MYH10: variants seen among roughly 807,000 people sequenced by gnomAD.
MYH10 encodes myosin heavy chain 10.
In MYH10, 55 loss-of-function variants were observed where a neutral mutation model predicts 257.8. That is an observed-to-expected ratio of 0.21 (90% CI 0.17 to 0.27). The LOEUF (loss-of-function observed/expected upper bound fraction) is 0.27, where lower values mean the gene tolerates loss of function less well. Ranked by LOEUF, MYH10 falls within the 10% of genes least tolerant of loss-of-function variation. MYH10 has a pLI of 1.00. For missense variants in MYH10, 1,631 were observed against 2,500.6 expected (o/e 0.65, Z 7.42); for synonymous variants, 854 against 921.7 (o/e 0.93, Z 1.33).
intron 6 of MYH10, among the ~76,000 whole-genome samples, chr17:8,571,874 T>C (rs1023911796): frequency 2.0e-5 from 3 of 152,012 alleles, no homozygotes; most frequent in African/African-American, 7.2e-5. Context: ...ACCAATATCT[T>C]GCAAAGCCCT....
intron 3 of MYH10, among the ~76,000 whole-genome samples, chr17:8,604,315 A>T (rs960702587): frequency 6.6e-6 from 1 of 152,220 alleles, no homozygotes; most frequent in Admixed American, 6.5e-5. Context: ...GTCTAAAGCC[A>T]GGGTTCAAAT....
chr17:8,610,271 C>CAAAAAAAAAAAAAAAAAAAAAAAAA (rs71361810), intron 2 of MYH10, among the ~76,000 whole-genome samples: 3 of 45,982 alleles, frequency 6.5e-5, no homozygotes, highest in African/African-American at 1.0e-4. Context: ...CATAGGATTG[C>CAAAAAAAAAAAAAAAAAAAAAAAAA]AAAAAAAAAA....
chr17:8,589,960 C>T (rs2084060878), intron 3 of MYH10, among the ~76,000 whole-genome samples: 1 of 152,176 alleles, frequency 6.6e-6, no homozygotes, highest in African/African-American at 2.4e-5. Context: ...GGCAAGGTTG[C>T]CAGGATGAGG....
At position 8,476,965 on chromosome 17, in the gene MYH10, A is replaced by C; in HGVS notation, c.5790T>G (p.Ser1930=). 6.2e-7 allele frequency: 1 copy of C among 1,614,054 alleles called. No homozygotes were observed. The highest frequency in any genetic ancestry group is 8.5e-7 in the Non-Finnish European group (1 of 1,180,038). Residue 1930 remains serine (S), a synonymous_variant, in exon 42 of 43, where the codon TCT becomes TCG. Coordinates refer to ENST00000360416, the MANE Select transcript of MYH10 (RefSeq NM_001256012.3). ...CCAGTTCCCGCTGGAGTTTACGCCG[A>C]GATGCGTTGGCACGCGTCGCTTCTT... is the stretch of plus-strand genomic sequence containing the variant. ...AEEEATRANA[S]RRKLQRELDD...
chr17:8,576,176 C>G (rs531590709), intron 6 of MYH10, among the ~76,000 whole-genome samples: 9 of 152,178 alleles, frequency 5.9e-5, no homozygotes, highest in Admixed American at 2.0e-4. Flanking sequence ...ATAATTGGGC[C>G]TTTGGTTTAA....
At chr17:8,567,410 C>G (rs994948366) in intron 7 of MYH10, among the ~76,000 whole-genome samples, 1 of 152,186 alleles carries the variant, frequency 6.6e-6, no homozygotes, top group South Asian at 2.1e-4. Flanking sequence ...GAAAATACAT[C>G]CCTATTTCTT....
Position 8,475,615 on chromosome 17 carries a change from T to G in MYH10, c.*189A>C. The G allele has an allele frequency of 1.6e-6, 1 of 615,310 alleles. No individual in the cohort carries two copies. 38.1% of individuals were successfully genotyped at this position (615,310 alleles called of 1,614,324 possible). A position where few individuals can be genotyped will look rare whatever the true frequency, so the allele number is the denominator to read the frequency against. ...AATATATGTGTCCTGTGTGTGTCTA[T>G]ATATAAAAAGGGGAGCAATTGTACC... On this transcript the variant is annotated 3_prime_UTR_variant, in exon 43 of 43. Coordinates refer to ENST00000360416, the MANE Select transcript of MYH10 (RefSeq NM_001256012.3).
Position 8,474,650 on chromosome 17 carries a change from T to TTGTC in MYH10, c.*1150_*1153dup, listed in dbSNP as rs1353394112. 2.0e-5 allele frequency: 3 copies of TTGTC among 152,774 alleles called. No homozygotes were observed. In the East Asian group the frequency reaches 5.8e-4, roughly 29 times the overall value. 9.5% of individuals were successfully genotyped at this position (152,774 alleles called of 1,614,324 possible). On this transcript the variant is annotated 3_prime_UTR_variant, in exon 43 of 43. Transcript: ENST00000360416. ...ATAGAGGCGAATGATATATTCAACA[T>TTGTC]TGTCTTAGTACTGTAGTGTCTAAGG...
chr17:8,476,298 ATTC>A (rs1360496513), intron 42 of MYH10, among the ~76,000 whole-genome samples: 3 of 152,268 alleles, frequency 2.0e-5, no homozygotes, highest in South Asian at 2.1e-4. Context: ...TCTGTTGCAT[ATTC>A]TTTGTTTCGG....
chr17:8,487,092 T>C (rs558758531), intron 36 of MYH10, among the ~76,000 whole-genome samples: 34 of 152,196 alleles, frequency 2.2e-4, no homozygotes, highest in African/African-American at 7.9e-4. Flanking sequence ...AAAGTGACGA[T>C]TAAAACAGAC....
chr17:8,489,546 A>G (rs1915405663), intron 35 of MYH10, among the ~76,000 whole-genome samples: 1 of 152,196 alleles, frequency 6.6e-6, no homozygotes, highest in Non-Finnish European at 1.5e-5. Context: ...TCTACTAAAA[A>G]TACAAAAATT....
At position 8,480,523 on chromosome 17, in the gene MYH10, G is replaced by C. The variant is rs771872187; in HGVS notation, c.5267C>G (p.Ser1756Cys). ...ACGCCGCTTCTCATCCAGCAGCGCG[G>C]ACCTGGCGGGGAGAGGAGGAGGGGA... The part of the protein sequence containing the change: ...DEITNSASGK[S>C]ALLDEKRRLE... The change falls in exon 39 of 43, where the codon TCC (serine) becomes TGC (cysteine). Residue 1756 changes from serine to cysteine, a missense_variant and splice_region_variant. By Grantham distance (112) the Ser-to-Cys change is moderately radical. Coordinates refer to ENST00000360416, the MANE Select transcript of MYH10 (RefSeq NM_001256012.3). 1 of 1,607,112 alleles carries C rather than the reference G, an allele frequency of 6.2e-7. No individual in the cohort carries two copies. Among genetic ancestry groups the C allele is most frequent in the South Asian group, 1.1e-5 (1 of 91,018 alleles).
rs2082453908 is a variant in MYH10 at position 8,546,672 on chromosome 17, A to G, written c.1160-10T>C. ...CAGAGCTTCTGCGCAACTGAAGTGT[A>G]AAAAGTCTCCTAAATCCTACATTTT... On this transcript the variant is annotated splice_polypyrimidine_tract_variant and intron_variant, in intron 11 of 42. Transcript: ENST00000360416. 1 of 1,605,350 alleles carries G rather than the reference A, an allele frequency of 6.2e-7. No individual in the cohort carries two copies. The highest frequency in any genetic ancestry group is 2.2e-5 in the East Asian group (1 of 44,816).
At chr17:8,597,914 G>A (rs572162585) in intron 3 of MYH10, among the ~76,000 whole-genome samples, 26 of 152,138 alleles carry the variant, frequency 1.7e-4, no homozygotes, top group African/African-American at 5.5e-4. Flanking sequence ...CACTGTGTCC[G>A]GCCTACTCTG....
chr17:8,606,864 G>A (rs1254913806), intron 2 of MYH10, among the ~76,000 whole-genome samples: 1 of 152,162 alleles, frequency 6.6e-6, no homozygotes, highest in African/African-American at 2.4e-5. Flanking sequence ...GACTCCTCAA[G>A]TCTTCAGACT....
Position 8,585,276 on chromosome 17 carries a change from A to ATG in MYH10, c.530+3803_530+3804dup, listed in dbSNP as rs1204023762. Among the ~76,000 whole-genome samples the ATG allele has an allele frequency of 2.1e-4, 23 of 111,568 alleles. 1 individual carries two copies. Among genetic ancestry groups the ATG allele is most frequent in the African/African-American group, 7.5e-4 (23 of 30,760 alleles). The allele number at this position is 111,568 out of a possible 152,430, so 73.2% of individuals were successfully genotyped here. ...TCTATATATGTGTATATATATGTGCATGTGTGTGTGTGTATATATATATAT... is the reference window on the plus strand; with the variant it reads ...TCTATATATGTGTATATATATGTGCATGTGTGTGTGTGTGTATATATATATAT... On this transcript the variant is annotated intron_variant, in intron 4 of 42. Coordinates refer to ENST00000360416, the MANE Select transcript of MYH10 (RefSeq NM_001256012.3).
chr17:8,508,614 T>C lies in MYH10; in HGVS notation c.3154A>G (p.Lys1052Glu). The C allele has an allele frequency of 6.2e-7, 1 of 1,614,158 alleles. No individual in the cohort carries two copies. The change falls in exon 26 of 43, where the codon AAG becomes GAG. Residue 1052 changes from lysine (K) to glutamate (E), a missense_variant. Physicochemically the swap from Lys to Glu is moderately conservative, Grantham distance 56 (BLOSUM62 1). This residue lies in a region of MYH10 where 169 missense variants were observed against 249.8 expected (regional missense o/e 0.68). Transcript: ENST00000360416. ...CSSQLAEEEEKAKNLAKIRNK... is the reference protein window; with the variant it reads ...CSSQLAEEEEEAKNLAKIRNK... ...CTGATTTTGGCCAAGTTTTTCGCCT[T>C]TTCTTCCTCTTCAGCCAGCTGAGAG...
At chr17:8,511,059 T>A (rs1325185200) in intron 24 of MYH10, 10 of 88,682 alleles carry the variant, frequency 1.1e-4, no homozygotes, top group African/African-American at 5.0e-4. Flanking sequence ...TATATATATA[T>A]ACACACATAC....
rs759358703 is a variant in MYH10 at position 8,621,830 on chromosome 17, A to G, written c.345+1072T>C. On this transcript the variant is annotated intron_variant, in intron 2 of 42. Transcript: ENST00000360416. ...TCCAGCTCAAATGCTACCTTCACAA[A>G]CAGCCCTTAACTGACCCGCTGGAGA... 4.1e-4 allele frequency among the ~76,000 whole-genome samples: 63 copies of G among 152,084 alleles called. 1 individual carries two copies. The highest frequency in any genetic ancestry group is 1.6e-4 in the Non-Finnish European group (11 of 67,992).
Sources: gnomAD v4.1 joint callset for allele counts (sites outside exome capture counted in the v4.1 genomes callset) on GRCh38, gnomAD v4.1.1 for gene constraint, gnomAD v4.1.1 regional missense constraint, MANE v1.5 for transcripts, NCBI Gene and HGNC (gene_info 2026-07-23, HGNC 2026-07-21) for gene names.